ZNF564: variants seen among roughly 807,000 people sequenced by gnomAD.
ZNF564 encodes the protein zinc finger protein 564.
In ZNF564, 5 loss-of-function variants were observed where a neutral mutation model predicts 10.5. The ratio of observed to expected loss-of-function variants is 0.48; its 90% CI spans 0.25 to 1.00. The LOEUF (loss-of-function observed/expected upper bound fraction) is 1.00. Ranked by LOEUF, ZNF564 falls within the 50% of genes least tolerant of loss-of-function variation. The pLI, the probability that ZNF564 is intolerant of heterozygous loss-of-function variation, is 0.16. For synonymous variants in ZNF564, 242 were observed against 218.1 expected (o/e 1.11, Z -0.97); for missense variants, 603 against 669.7 (o/e 0.90, Z 1.10).
At chr19:12,546,556 T>C (rs2022158359) in intron 1 of ZNF564, among the ~76,000 whole-genome samples, 2 of 151,548 alleles carry the variant, frequency 1.3e-5, no homozygotes, top group African/African-American at 4.9e-5. Context: ...TGAAACCCCG[T>C]CTCTACTAAA....
In ZNF564 at chr19:12,527,715, A is replaced by G. The variant is rs1352547694; in HGVS notation, c.393T>C (p.Tyr131=). Residue 131 remains tyrosine, a synonymous_variant, in exon 4 of 4, where the codon TAT becomes TAC. Transcript: ENST00000339282. ...GTTTCTCTCCATATTCCTGATAGTCATATGGTTTGTGTCCAAGGTGAGATC... is the reference window on the plus strand; with the variant it reads ...GTTTCTCTCCATATTCCTGATAGTCGTATGGTTTGTGTCCAAGGTGAGATC... ...HIRSHLGHKP[Y]DYQEYGEKPY... is the part of the protein sequence containing the mutation. The G allele has an allele frequency of 1.9e-6, 3 of 1,614,170 alleles. No homozygotes were observed. Among genetic ancestry groups the G allele is most frequent in the Admixed American group, 1.7e-5 (1 of 60,006 alleles).
At chr19:12,537,810 A>T (rs1243083150) in intron 1 of ZNF564, among the ~76,000 whole-genome samples, 1 of 152,100 alleles carries the variant, frequency 6.6e-6, no homozygotes, top group Non-Finnish European at 1.5e-5. Flanking sequence ...TTCAGTGACA[A>T]TGTATAAAAA....
At chr19:12,550,660 G>GAA in intron 1 of ZNF564, 2 of 149,450 alleles carry the variant, frequency 1.3e-5, no homozygotes, top group South Asian at 3.2e-4. Flanking sequence ...TGTCTGAAAA[G>GAA]AAAAAAAAAA....
chr19:12,548,510 C>A (rs924010096), intron 1 of ZNF564, among the ~76,000 whole-genome samples: 2 of 152,106 alleles, frequency 1.3e-5, no homozygotes, highest in African/African-American at 2.4e-5. Flanking sequence ...CCACCGTGCC[C>A]GGCCAATTTT....
At chr19:12,529,433 G>A (rs1035045842) in intron 1 of ZNF564, among the ~76,000 whole-genome samples, 3 of 151,702 alleles carry the variant, frequency 2.0e-5, no homozygotes, top group African/African-American at 7.2e-5. Context: ...GTGAAACCCC[G>A]TCTCTACCAA....
chr19:12,551,248 C>A, intron 1 of ZNF564, 82 bp downstream of exon 1: 14 of 1,490,990 alleles, frequency 9.4e-6, no homozygotes, highest in Non-Finnish European at 1.3e-5. Flanking sequence ...TGCAGGGAGG[C>A]CAGGGTGCTT....
intron 1 of ZNF564, among the ~76,000 whole-genome samples, chr19:12,533,595 C>A (rs538225200): frequency 2.0e-5 from 3 of 151,704 alleles, no homozygotes; most frequent in Admixed American, 2.0e-4. Context: ...GGTGTGGTGG[C>A]GCATGCCTGT....
chr19:12,533,429 C>T (rs1208298196), intron 1 of ZNF564, among the ~76,000 whole-genome samples: 1 of 152,168 alleles, frequency 6.6e-6, no homozygotes, highest in Admixed American at 6.6e-5. Flanking sequence ...AATGAATCAT[C>T]TAAGAGTCTA....
At chr19:12,540,970 C>G (rs2022034298) in intron 1 of ZNF564, among the ~76,000 whole-genome samples, 1 of 145,686 alleles carries the variant, frequency 6.9e-6, no homozygotes, top group South Asian at 2.2e-4. Context: ...GAGATCATAC[C>G]ACTGCACTCC....
chr19:12,537,030 T>G (rs988303857), intron 1 of ZNF564, among the ~76,000 whole-genome samples: 21 of 152,198 alleles, frequency 1.4e-4, no homozygotes, highest in Non-Finnish European at 2.9e-4. Flanking sequence ...TCGGTCTCTA[T>G]AGATTTTCCT....
intron 1 of ZNF564, 125 bp downstream of exon 1, chr19:12,551,204 GC>G: frequency 8.9e-7 from 1 of 1,126,912 alleles, no homozygotes; most frequent in Non-Finnish European, 1.3e-6. Flanking sequence ...GCCGAGCTGC[GC>G]CAGGGAACTC....
At chr19:12,544,001 G>A (rs1446855963) in intron 1 of ZNF564, among the ~76,000 whole-genome samples, 2 of 152,152 alleles carry the variant, frequency 1.3e-5, no homozygotes, top group Admixed American at 1.3e-4. Flanking sequence ...CACAAAGCAG[G>A]CCCTTACCAG....
chr19:12,548,029 T>G, intron 1 of ZNF564: 1 of 335,566 alleles, frequency 3.0e-6, no homozygotes, highest in Non-Finnish European at 4.2e-6. Flanking sequence ...CAGGCTGGTC[T>G]CAAACTCACC....
At chr19:12,544,690 C>T (rs2022118184) in intron 1 of ZNF564, among the ~76,000 whole-genome samples, 1 of 152,202 alleles carries the variant, frequency 6.6e-6, no homozygotes, top group African/African-American at 2.4e-5. Flanking sequence ...CCACGAAATT[C>T]CCATCTGGTT....
chr19:12,527,208 CAT>C lies in ZNF564; in HGVS notation c.898_899del (p.Met300AspfsTer2). ...FISFTNFQSH[M>X]IRHTGDGPYK... ...AAGGTCCATCCCCAGTGTGCCTAATCATATGACTTTGAAAATTTGTGAAAGAA... is the reference window on the plus strand; with the variant it reads ...AAGGTCCATCCCCAGTGTGCCTAATCATGACTTTGAAAATTTGTGAAAGAA... On this transcript the variant is annotated frameshift_variant, in exon 4 of 4. Coordinates refer to ENST00000339282, the MANE Select transcript of ZNF564 (RefSeq NM_144976.4). LOFTEE classifies it low-confidence loss of function (END_TRUNC). 5 of 1,614,168 alleles carry C rather than the reference CAT, an allele frequency of 3.1e-6. No homozygotes were observed. Among genetic ancestry groups the C allele is most frequent in the South Asian group, 1.1e-5 (1 of 91,084 alleles).
At chr19:12,550,904 A>G (rs923998704) in intron 1 of ZNF564, among the ~76,000 whole-genome samples, 17 of 152,202 alleles carry the variant, frequency 1.1e-4, no homozygotes, top group Non-Finnish European at 1.8e-4. Context: ...TTTTTCCAGT[A>G]CGTTTGGAAG....
In ZNF564 at chr19:12,526,678, T is replaced by C; in HGVS notation, c.1430A>G (p.Tyr477Cys). 1 of 1,614,184 alleles carries C rather than the reference T, an allele frequency of 6.2e-7. No individual in the cohort carries two copies. The highest frequency in any genetic ancestry group is 1.1e-5 in the South Asian group (1 of 91,082). ...TGCTTTCCCACATTCTTTACATTCA[T>C]AGGGTTTTTCTCCAGTATGAGTTCT... ...HERTHTGEKPYECKECGKAFN... is the reference protein window; with the variant it reads ...HERTHTGEKPCECKECGKAFN... Residue 477 changes from tyrosine to cysteine, a missense_variant, in exon 4 of 4, where the codon TAT (tyrosine) becomes TGT (cysteine). Tyr to Cys is a radical substitution (Grantham distance 194, BLOSUM62 -2). Transcript: ENST00000339282.
At chr19:12,546,887 G>C (rs1203530120) in intron 1 of ZNF564, among the ~76,000 whole-genome samples, 1 of 151,940 alleles carries the variant, frequency 6.6e-6, no homozygotes, top group African/African-American at 2.4e-5. Flanking sequence ...CCTGAACTTT[G>C]ACCCATCCTC....
intron 1 of ZNF564, among the ~76,000 whole-genome samples, chr19:12,545,462 G>A (rs987327110): frequency 1.3e-5 from 2 of 151,956 alleles, no homozygotes; most frequent in Admixed American, 6.6e-5. Flanking sequence ...AGTTCTAACA[G>A]CAGGTGTCTA....
Sources: gnomAD v4.1 joint callset for allele counts (sites outside exome capture counted in the v4.1 genomes callset) on GRCh38, gnomAD v4.1.1 for gene constraint, MANE v1.5 for transcripts, NCBI Gene and HGNC (gene_info 2026-07-23, HGNC 2026-07-21) for gene names.